Variants in SKOR1 observed in about 807,000 individuals in gnomAD.
SKOR1 encodes LBX1 corepressor 1.
Under a neutral mutation model 72.4 loss-of-function variants are expected in SKOR1, and 38 were observed. The ratio of observed to expected loss-of-function variants is 0.52; its 90% CI spans 0.40 to 0.69. The LOEUF (loss-of-function observed/expected upper bound fraction) is 0.69, where lower values mean the gene tolerates loss of function less well. Among genes scored for constraint, SKOR1 ranks in the 30% least tolerant of loss-of-function variants. The pLI, the probability that SKOR1 is intolerant of heterozygous loss-of-function variation, is 0.00. For synonymous variants in SKOR1, 642 were observed against 599.4 expected (o/e 1.07, Z -1.04); for missense variants, 1,320 against 1,343.2 (o/e 0.98, Z 0.27).
rs117229664 is a variant in SKOR1 at position 67,828,612 on chromosome 15, C to T, written c.2316+468C>T. Among the ~76,000 whole-genome samples, 13 of 152,284 alleles carry T rather than the reference C, an allele frequency of 8.5e-5. No homozygotes were observed. The East Asian group carries it at 1.7e-3, about 20-fold the overall frequency. On this transcript the variant is annotated intron_variant, in intron 2 of 8. Transcript: ENST00000380035. ...GTACCGGGTCCCCGGAATCTCCCAC[C>T]ACCCCAACTCGCAGTTTTCCGAGTC...
rs765016268 is a variant in SKOR1 at position 67,826,802 on chromosome 15, G to A, written c.974G>A (p.Ser325Asn). Residue 325 changes from serine to asparagine, a missense_variant, in exon 2 of 9, where the codon AGC becomes AAC. Ser to Asn is a conservative substitution (Grantham distance 46, BLOSUM62 1). Around this residue, in one of 3 missense-constraint regions of SKOR1, gnomAD observed 1,099 missense variants for 1,025.5 expected, o/e 1.07. Transcript: ENST00000380035. ...EMAPGPPPHK[S>N]LRCGEDEAAG... Reference sequence around the variant, plus strand: ...GCCCCAGGCCCGCCGCCCCACAAAAGCCTGCGCTGTGGCGAAGATGAGGCT... The same window carrying A: ...GCCCCAGGCCCGCCGCCCCACAAAAACCTGCGCTGTGGCGAAGATGAGGCT... 2.0e-6 allele frequency: 3 copies of A among 1,531,922 alleles called. No individual in the cohort carries two copies. The African/African-American group carries it at 4.1e-5, about 21-fold the overall frequency. The allele number at this position is 1,531,922 out of a possible 1,614,324, so 94.9% of individuals were successfully genotyped here.
At chr15:67,830,786 C>T (rs377269723) in intron 4 of SKOR1, 32 bp from the exon 5 acceptor site, 103 of 1,611,458 alleles carry the variant, frequency 6.4e-5, no homozygotes, top group Non-Finnish European at 8.7e-5. Flanking sequence ...TTTCCTAGGA[C>T]AGAACCCCTC....
Position 67,827,277 on chromosome 15 carries a change from T to C in SKOR1, c.1449T>C (p.Thr483=), listed in dbSNP as rs778943772. ...TGGCTGCAGCGGCCGCCGCCGCCAC[T>C]GTGTACCCGACGTTTCCCATGTTCT... ...AAVAAAAAAA[T]VYPTFPMFWP... The change falls in exon 2 of 9, where the codon ACT becomes ACC. Residue 483 remains threonine, a synonymous_variant. Coordinates refer to ENST00000380035, the MANE Select transcript of SKOR1 (RefSeq NM_001365915.1). 6.3e-7 allele frequency: 1 copy of C among 1,575,390 alleles called. No individual in the cohort carries two copies. Among genetic ancestry groups the C allele is most frequent in the Non-Finnish European group, 8.6e-7 (1 of 1,168,268 alleles).
At position 67,834,009 on chromosome 15, in the gene SKOR1, G is replaced by A. The variant is rs965224416; in HGVS notation, c.*173G>A. 12 of 713,466 alleles carry A rather than the reference G, an allele frequency of 1.7e-5. No homozygotes were observed. Among genetic ancestry groups the A allele is most frequent in the South Asian group, 8.1e-5 (5 of 61,610 alleles). 44.2% of individuals were successfully genotyped at this position (713,466 alleles called of 1,614,324 possible). ...CCCGGCCTTGCCCGCCCCCTCCCGG[G>A]CGTCCCTGTCCAGGGCCCCGGCTTG... is the stretch of plus-strand genomic sequence containing the variant. On this transcript the variant is annotated 3_prime_UTR_variant, in exon 9 of 9. Transcript: ENST00000380035. The surrounding 1 kb of genome is among the most constrained non-coding windows in gnomAD (Gnocchi z 5.8).
Position 67,830,286 on chromosome 15 carries a change from A to G in SKOR1, c.2503A>G (p.Asn835Asp), listed in dbSNP as rs766597433. The change falls in exon 4 of 9, where the codon AAT becomes GAT. Residue 835 changes from asparagine (N) to aspartate (D), a missense_variant. Coordinates refer to ENST00000380035, the MANE Select transcript of SKOR1 (RefSeq NM_001365915.1). ...QRSISQPSPA[N>D]TDRGEDGLTL... Reference sequence around the variant, plus strand: ...GAGTATCTCCCAGCCAAGTCCTGCAAATACAGACAGAGGTGAGCCAGCCCT... The same window carrying G: ...GAGTATCTCCCAGCCAAGTCCTGCAGATACAGACAGAGGTGAGCCAGCCCT... The G allele has an allele frequency of 2.9e-5, 47 of 1,614,042 alleles. No individual in the cohort carries two copies. The highest frequency in any genetic ancestry group is 1.2e-4 in the Admixed American group (7 of 60,010).
At position 67,833,634 on chromosome 15, in the gene SKOR1, T is replaced by C; in HGVS notation, c.2804-108T>C. ...CTCCTCCTGATCCGCTCGGTTGAGA[T>C]TCCCTGACCCCAAAGGGTTGGTAAG... On this transcript the variant is annotated intron_variant, in intron 8 of 8. Coordinates refer to ENST00000380035, the MANE Select transcript of SKOR1 (RefSeq NM_001365915.1). This position sits in a 1 kb window ranked among gnomAD's most constrained non-coding sequence, Gnocchi z 6.0. 1 of 1,180,068 alleles carries C rather than the reference T, an allele frequency of 8.5e-7. No homozygotes were observed. Among genetic ancestry groups the C allele is most frequent in the South Asian group, 1.2e-5 (1 of 82,166 alleles). 73.1% of individuals were successfully genotyped at this position (1,180,068 alleles called of 1,614,324 possible).
chr15:67,828,085 G>A lies in SKOR1; in HGVS notation c.2257G>A (p.Gly753Ser), dbSNP rs1003129090. Residue 753 changes from glycine to serine, a missense_variant, in exon 2 of 9, where the codon GGC (glycine) becomes AGC (serine). By Grantham distance (56) the Gly-to-Ser change is moderately conservative. Transcript: ENST00000380035. ...RRPERSPPSG[G>S]GGYELREPCG... ...ACCTGAGAGGAGCCCGCCAAGCGGC[G>A]GCGGCGGCTACGAGCTGCGAGAGCC... The A allele has an allele frequency of 1.2e-5, 19 of 1,524,482 alleles. No individual in the cohort carries two copies. The African/African-American group carries it at 1.7e-4, about 14-fold the overall frequency. The allele number at this position is 1,524,482 out of a possible 1,614,324, so 94.4% of individuals were successfully genotyped here. A position where few individuals can be genotyped will look rare whatever the true frequency, so the allele number is the denominator to read the frequency against.
At chr15:67,830,990 C>A in intron 5 of SKOR1, 101 bp downstream of exon 5, 1 of 1,236,858 alleles carries the variant, frequency 8.1e-7, no homozygotes, top group Non-Finnish European at 1.2e-6. Flanking sequence ...GTGGAAAAGA[C>A]ACTCACCAAG....
chr15:67,827,572 C>T lies in SKOR1; in HGVS notation c.1744C>T (p.Pro582Ser). The T allele has an allele frequency of 1.3e-6, 2 of 1,519,760 alleles. No individual in the cohort carries two copies. Among genetic ancestry groups the T allele is most frequent in the Non-Finnish European group, 1.8e-6 (2 of 1,141,134 alleles). 94.1% of individuals were successfully genotyped at this position (1,519,760 alleles called of 1,614,324 possible). Residue 582 changes from proline to serine, a missense_variant, in exon 2 of 9, where the codon CCC (proline) becomes TCC (serine). Pro to Ser is a moderately conservative substitution (Grantham distance 74). Around this residue, in one of 3 missense-constraint regions of SKOR1, gnomAD observed 1,099 missense variants for 1,025.5 expected, o/e 1.07. Coordinates refer to ENST00000380035, the MANE Select transcript of SKOR1 (RefSeq NM_001365915.1). ...PPPLAPLPPPPPPPARKGSYV... is the reference protein window; with the variant it reads ...PPPLAPLPPPSPPPARKGSYV... ...GCCCCTGGCCCCGTTGCCCCCGCCG[C>T]CCCCGCCGCCCGCACGCAAAGGCTC...
chr15:67,830,150 G>A (rs374568571), intron 3 of SKOR1, 41 bp from the exon 4 acceptor site: 4 of 1,605,172 alleles, frequency 2.5e-6, no homozygotes, highest in Admixed American at 1.7e-5. Context: ...CCGGGTCACG[G>A]TTTCTTTGCC....
chr15:67,833,122 C>A lies in SKOR1; in HGVS notation c.2738-70C>A. ...CTTAGCCCTGGGGAGAGGAGGAAGCCCGGGCTGTGACCCCGGCCTTTCGGA... is the reference window on the plus strand; with the variant it reads ...CTTAGCCCTGGGGAGAGGAGGAAGCACGGGCTGTGACCCCGGCCTTTCGGA... On this transcript the variant is annotated intron_variant, in intron 7 of 8. Coordinates refer to ENST00000380035, the MANE Select transcript of SKOR1 (RefSeq NM_001365915.1). The surrounding 1 kb of genome is among the most constrained non-coding windows in gnomAD (Gnocchi z 6.0). The A allele has an allele frequency of 6.4e-7, 1 of 1,559,636 alleles. No homozygotes were observed. The highest frequency in any genetic ancestry group is 8.8e-7 in the Non-Finnish European group (1 of 1,134,370).
At chr15:67,830,442 T>G (rs933176876) in intron 4 of SKOR1, 144 bp downstream of exon 4, 1 of 747,356 alleles carries the variant, frequency 1.3e-6, no homozygotes, top group Non-Finnish European at 2.2e-6. Flanking sequence ...CAGATAAATA[T>G]TTAACGCGAG....
Position 67,832,457 on chromosome 15 carries a change from C to A in SKOR1, c.2662+109C>A. 7.3e-7 allele frequency: 1 copy of A among 1,363,890 alleles called. No homozygotes were observed. The highest frequency in any genetic ancestry group is 1.0e-6 in the Non-Finnish European group (1 of 964,098). 84.5% of individuals were successfully genotyped at this position (1,363,890 alleles called of 1,614,324 possible). On this transcript the variant is annotated intron_variant, in intron 6 of 8. Transcript: ENST00000380035. This position sits in a 1 kb window ranked among gnomAD's most constrained non-coding sequence, Gnocchi z 4.5. Reference sequence around the variant, plus strand: ...CAGGCAACTGGTACTAGGTGCCCTGCAGGAGACAAGAAACTGTCCTTTTCC... The same window carrying A: ...CAGGCAACTGGTACTAGGTGCCCTGAAGGAGACAAGAAACTGTCCTTTTCC...
chr15:67,830,212 A>G lies in SKOR1; in HGVS notation c.2429A>G (p.His810Arg), dbSNP rs758641968. 1 of 1,613,900 alleles carries G rather than the reference A, an allele frequency of 6.2e-7. No individual in the cohort carries two copies. Residue 810 changes from histidine to arginine, a missense_variant, in exon 4 of 9, where the codon CAC (histidine) becomes CGC (arginine). By Grantham distance (29) the His-to-Arg change is conservative. This residue lies in a region of SKOR1 where 1,099 missense variants were observed against 1,025.5 expected (regional missense o/e 1.07). Transcript: ENST00000380035. ...EAHEPDKEDNHSPADDLETRK... is the reference protein window; with the variant it reads ...EAHEPDKEDNRSPADDLETRK... ...CAAGAGCCAGATAAGGAAGACAATC[A>G]CTCGCCCGCCGATGATTTGGAAACG...
In SKOR1 at chr15:67,826,680, A is replaced by G; in HGVS notation, c.852A>G (p.Gly284=). ...GCAAGCGGACCTTCTCCCTACAAGG[A>G]GGCGGCGGAGGCGGTGCCAATGGCG... ...GTRKRTFSLQ[G]GGGGGANGGS... The change falls in exon 2 of 9, where the codon GGA becomes GGG. Residue 284 remains glycine, a synonymous_variant. Transcript: ENST00000380035. 6.4e-7 allele frequency: 1 copy of G among 1,565,170 alleles called. No individual in the cohort carries two copies. Among genetic ancestry groups the G allele is most frequent in the Non-Finnish European group, 8.7e-7 (1 of 1,153,018 alleles).
At chr15:67,828,386 C>A (rs1424685137) in intron 2 of SKOR1, among the ~76,000 whole-genome samples, 2 of 152,128 alleles carry the variant, frequency 1.3e-5, no homozygotes, top group Non-Finnish European at 2.9e-5. Context: ...AACTTGTGTG[C>A]TTTGTTTTTG....
In SKOR1 at chr15:67,825,747, G is replaced by A. The variant is rs1317840536; in HGVS notation, c.107+38G>A. ...CCTTCTCCTCCCCCAAGCCCCGGGG[G>A]CTGTTGTTAACGGCGCCAACATGGG... On this transcript the variant is annotated intron_variant, in intron 1 of 8. Coordinates refer to ENST00000380035, the MANE Select transcript of SKOR1 (RefSeq NM_001365915.1). This position sits in a 1 kb window ranked among gnomAD's most constrained non-coding sequence, Gnocchi z 5.6. 3 of 999,076 alleles carry A rather than the reference G, an allele frequency of 3.0e-6. No individual in the cohort carries two copies. Among genetic ancestry groups the A allele is most frequent in the Non-Finnish European group, 4.7e-6 (3 of 641,378 alleles). 61.9% of individuals were successfully genotyped at this position (999,076 alleles called of 1,614,324 possible).
chr15:67,825,857 G>A lies in SKOR1; in HGVS notation c.108-79G>A. 1 of 1,513,038 alleles carries A rather than the reference G, an allele frequency of 6.6e-7. No individual in the cohort carries two copies. Among genetic ancestry groups the A allele is most frequent in the Non-Finnish European group, 8.8e-7 (1 of 1,138,078 alleles). The allele number at this position is 1,513,038 out of a possible 1,614,324, so 93.7% of individuals were successfully genotyped here. A position where few individuals can be genotyped will look rare whatever the true frequency, so the allele number is the denominator to read the frequency against. On this transcript the variant is annotated intron_variant, in intron 1 of 8. Transcript: ENST00000380035. This position sits in a 1 kb window ranked among gnomAD's most constrained non-coding sequence, Gnocchi z 5.6. Reference sequence around the variant, plus strand: ...GTATCCCCCGCGCGCCCAACTCGGAGCGCCCTGCTGGGCGGGCCCGAGCCT... The same window carrying A: ...GTATCCCCCGCGCGCCCAACTCGGAACGCCCTGCTGGGCGGGCCCGAGCCT...
rs769434859 is a variant in SKOR1, at chr15:67,826,061, G to A, written c.233G>A (p.Gly78Asp). The change falls in exon 2 of 9, where the codon GGC (glycine) becomes GAC (aspartate). Residue 78 changes from glycine to aspartate, a missense_variant. Gly to Asp is a moderately conservative substitution (Grantham distance 94). Around this residue, in one of 3 missense-constraint regions of SKOR1, gnomAD observed 120 missense variants for 104.9 expected, o/e 1.14. Transcript: ENST00000380035. ...GSSALKPNQVGETSLYGVPIV... is the reference protein window; with the variant it reads ...GSSALKPNQVDETSLYGVPIV... ...AGCGCTCTCAAACCCAACCAGGTGG[G>A]CGAGACGTCGCTGTACGGGGTGCCC... 30 of 1,591,442 alleles carry A rather than the reference G, an allele frequency of 1.9e-5. No individual in the cohort carries two copies. Among genetic ancestry groups the A allele is most frequent in the Non-Finnish European group, 2.4e-5 (28 of 1,165,100 alleles).
Sources: gnomAD v4.1 joint callset for allele counts (sites outside exome capture counted in the v4.1 genomes callset) on GRCh38, gnomAD v4.1.1 for gene constraint, gnomAD v4.1.1 regional missense constraint, Gnocchi (gnomAD v3.1) non-coding constraint, MANE v1.5 for transcripts, NCBI Gene and HGNC (gene_info 2026-07-23, HGNC 2026-07-21) for gene names.